GAS2: variants seen among roughly 807,000 people sequenced by gnomAD.
GAS2 encodes the protein growth arrest-specific protein 2.
A neutral mutation model predicts 37.5 loss-of-function variants in GAS2; 20 were observed. The ratio of observed to expected loss-of-function variants is 0.53; its 90% CI spans 0.37 to 0.77. The LOEUF (loss-of-function observed/expected upper bound fraction) is 0.77. GAS2 is among the 30% of genes least tolerant of loss of function. The pLI, the probability that GAS2 is intolerant of heterozygous loss-of-function variation, is 0.00. For missense variants in GAS2, 336 were observed against 373.4 expected (o/e 0.90, Z 0.82); for synonymous variants, 144 against 132.2 (o/e 1.09, Z -0.61).
intron 4 of GAS2, among the ~76,000 whole-genome samples, chr11:22,733,256 T>C (rs1852572050): frequency 6.6e-6 from 1 of 151,736 alleles, no homozygotes; most frequent in Non-Finnish European, 1.5e-5. Context: ...CTATTTCTTC[T>C]ACTATACCAC....
intron 1 of GAS2, among the ~76,000 whole-genome samples, chr11:22,630,184 C>CTT (rs1278424434): frequency 6.6e-6 from 1 of 152,158 alleles, no homozygotes; most frequent in Non-Finnish European, 1.5e-5. Flanking sequence ...TCTCCTAATG[C>CTT]TTTCCCTTGA....
intron 4 of GAS2, among the ~76,000 whole-genome samples, chr11:22,735,274 C>T (rs1195384453): frequency 6.3e-5 from 6 of 95,836 alleles, no homozygotes; most frequent in African/African-American, 1.9e-4. Context: ...TTGGTATATT[C>T]GTATTTGAAA....
At chr11:22,630,942 C>G (rs1858737636) in intron 1 of GAS2, among the ~76,000 whole-genome samples, 1 of 152,134 alleles carries the variant, frequency 6.6e-6, no homozygotes, top group Non-Finnish European at 1.5e-5. Context: ...GCAGTATGGT[C>G]ATTATCATAA....
At chr11:22,775,871 A>G (rs984019721) in intron 7 of GAS2, among the ~76,000 whole-genome samples, 3 of 152,156 alleles carry the variant, frequency 2.0e-5, no homozygotes, top group African/African-American at 4.8e-5. Context: ...GAAGAACTGT[A>G]AAAAATATAG....
At chr11:22,759,188 G>T (rs554771095) in intron 7 of GAS2, among the ~76,000 whole-genome samples, 6 of 152,106 alleles carry the variant, frequency 3.9e-5, no homozygotes, top group African/African-American at 1.4e-4. Flanking sequence ...AAGGAAGACC[G>T]GGAAGATATT....
chr11:22,668,551 C>CA (rs1009650602), intron 1 of GAS2, among the ~76,000 whole-genome samples: 13 of 141,956 alleles, frequency 9.2e-5, no homozygotes, highest in East Asian at 4.0e-4. Flanking sequence ...GTTCACATGG[C>CA]AAAAAAATAT....
chr11:22,721,920 T>G (rs116188496), intron 3 of GAS2, among the ~76,000 whole-genome samples: 2,111 of 152,104 alleles, frequency 0.014, 43 homozygotes, highest in African/African-American at 0.048. Context: ...TACTTGCATT[T>G]ATGACCTTTT....
At chr11:22,715,392 C>T (rs1366418775) in intron 3 of GAS2, among the ~76,000 whole-genome samples, 2 of 120,832 alleles carry the variant, frequency 1.7e-5, no homozygotes, top group South Asian at 2.9e-4. Flanking sequence ...ACCCGGGAGG[C>T]GGAGGTTGCA....
intron 7 of GAS2, among the ~76,000 whole-genome samples, chr11:22,799,093 C>T (rs1476103931): frequency 6.6e-6 from 1 of 151,996 alleles, no homozygotes; most frequent in Non-Finnish European, 1.5e-5. Flanking sequence ...TATGATATCC[C>T]AGGGGGCTGA....
At chr11:22,721,054 A>G (rs1851923864) in intron 3 of GAS2, among the ~76,000 whole-genome samples, 1 of 152,070 alleles carries the variant, frequency 6.6e-6, no homozygotes, top group Non-Finnish European at 1.5e-5. Context: ...TGAACTGTGC[A>G]TAAGCTCAGT....
intron 3 of GAS2, among the ~76,000 whole-genome samples, chr11:22,724,601 A>G (rs982503548): frequency 6.6e-6 from 1 of 152,028 alleles, no homozygotes; most frequent in Non-Finnish European, 1.5e-5. Flanking sequence ...TTTGAAAACC[A>G]TTACTTGATA....
chr11:22,706,351 T>C (rs1177789864), intron 3 of GAS2, among the ~76,000 whole-genome samples: 1 of 151,916 alleles, frequency 6.6e-6, no homozygotes, highest in East Asian at 1.9e-4. Context: ...TTTATTATTA[T>C]ACTTTAAGTT....
rs558340806 is a variant in GAS2, at chr11:22,705,275, C to A, written c.267+19486C>A. Among the ~76,000 whole-genome samples, 86 of 152,230 alleles carry A rather than the reference C, an allele frequency of 5.6e-4. No individual in the cohort carries two copies. The South Asian group carries it at 0.018, about 32-fold the overall frequency. On this transcript the variant is annotated intron_variant, in intron 3 of 7. Coordinates refer to ENST00000454584, the MANE Select transcript of GAS2 (RefSeq NM_001143830.3). ...CGAGTAGGTCCCATCCACCACAGGG[C>A]CTTCACAATTGTTCTTCTAGCTTCT... is the stretch of plus-strand genomic sequence containing the variant.
At position 22,629,721 on chromosome 11, in the gene GAS2, A is replaced by T. The variant is rs191913171; in HGVS notation, c.-21+3908A>T. ...ATTCTAGATATTTGTCCTTTATCTGATGTATATTTTGCAAATATTTTCTCC... is the reference window on the plus strand; with the variant it reads ...ATTCTAGATATTTGTCCTTTATCTGTTGTATATTTTGCAAATATTTTCTCC... On this transcript the variant is annotated intron_variant, in intron 1 of 5. Coordinates refer to the GAS2 transcript ENST00000528582. Among the ~76,000 whole-genome samples the T allele has an allele frequency of 9.8e-4, 149 of 151,928 alleles. 1 individual carries two copies. The highest frequency in any genetic ancestry group is 1.5e-3 in the Non-Finnish European group (103 of 67,956).
chr11:22,686,288 C>A (rs1251930457), intron 3 of GAS2, among the ~76,000 whole-genome samples: 1 of 152,030 alleles, frequency 6.6e-6, no homozygotes, highest in Non-Finnish European at 1.5e-5. Context: ...TTTCTTTTCT[C>A]CACATTAATT....
chr11:22,699,047 C>T (rs1850691658), intron 3 of GAS2, among the ~76,000 whole-genome samples: 3 of 152,086 alleles, frequency 2.0e-5, no homozygotes, highest in Admixed American at 2.0e-4. Context: ...CCCACAAAAT[C>T]TGTTTCTTTT....
At chr11:22,669,388 A>G (rs1003111555) in intron 1 of GAS2, among the ~76,000 whole-genome samples, 7 of 152,212 alleles carry the variant, frequency 4.6e-5, no homozygotes, top group Non-Finnish European at 1.0e-4. Flanking sequence ...TGATTTCTTT[A>G]AAACTTTAAA....
chr11:22,640,704 T>C (rs1858899189), intron 1 of GAS2, among the ~76,000 whole-genome samples: 1 of 152,192 alleles, frequency 6.6e-6, no homozygotes, highest in East Asian at 1.9e-4. Context: ...ATAAATTGAA[T>C]GTTTAATCAC....
intron 7 of GAS2, among the ~76,000 whole-genome samples, chr11:22,783,492 G>C (rs1227820911): frequency 6.6e-6 from 1 of 152,024 alleles, no homozygotes; most frequent in Non-Finnish European, 1.5e-5. Context: ...ATGCTCTTGA[G>C]GACTTAGCCA....
Sources: gnomAD v4.1 joint callset for allele counts (sites outside exome capture counted in the v4.1 genomes callset) on GRCh38, gnomAD v4.1.1 for gene constraint, MANE v1.5 for transcripts, NCBI Gene and HGNC (gene_info 2026-07-23, HGNC 2026-07-21) for gene names.